The following CIAO2A variants were observed in gnomAD, a reference collection of about 807,000 sequenced individuals.
CIAO2A encodes MIP18 family protein FAM96A.
CIAO2A carries 17 observed loss-of-function variants against 22.4 expected under a neutral mutation model. The observed-to-expected ratio is 0.76, with a 90% confidence interval of 0.52 to 1.14. The LOEUF (loss-of-function observed/expected upper bound fraction) is 1.14. CIAO2A is among the 50% of genes most tolerant of loss of function. The pLI is 0.00. For synonymous variants in CIAO2A, 74 were observed against 72.3 expected (o/e 1.02, Z -0.12); for missense variants, 192 against 191.4 (o/e 1.00, Z -0.02).
At chr15:64,091,782 G>A (rs887437556) in intron 1 of CIAO2A, among the ~76,000 whole-genome samples, 5 of 151,996 alleles carry the variant, frequency 3.3e-5, no homozygotes, top group Non-Finnish European at 7.4e-5. Context: ...AAGAAGGGCC[G>A]GGTGTGGTGG....
chr15:64,085,595 T>G (rs945557188), intron 2 of CIAO2A, among the ~76,000 whole-genome samples: 1 of 152,230 alleles, frequency 6.6e-6, no homozygotes, highest in African/African-American at 2.4e-5. Context: ...TCTATAGATA[T>G]CCTTATTATT....
intron 3 of CIAO2A, among the ~76,000 whole-genome samples, chr15:64,077,714 C>A (rs1302560021): frequency 6.6e-6 from 1 of 152,072 alleles, no homozygotes; most frequent in Admixed American, 6.6e-5. Context: ...GAAATAAAGG[C>A]TAAGGAACTA....
chr15:64,077,297 CAACAA>C lies in CIAO2A; in HGVS notation c.340-1765_340-1761del, dbSNP rs61363469. On this transcript the variant is annotated intron_variant, in intron 3 of 4. Coordinates refer to ENST00000300030, the MANE Select transcript of CIAO2A (RefSeq NM_032231.7). Reference sequence around the variant, plus strand: ...TGGGTGACAGAGCGAGACTCCGTCTCAACAAAACAAAACAAAACAAAACAAAACAC... The same window carrying C: ...TGGGTGACAGAGCGAGACTCCGTCTCAACAAAACAAAACAAAACAAAACAC... 8.7e-3 allele frequency among the ~76,000 whole-genome samples: 1,307 copies of C among 150,500 alleles called. 15 individuals carry two copies. The highest frequency in any genetic ancestry group is 0.027 in the African/African-American group (1,118 of 41,290).
intron 3 of CIAO2A, among the ~76,000 whole-genome samples, chr15:64,080,229 TA>T (rs1169360957): frequency 6.7e-6 from 1 of 148,988 alleles, no homozygotes; most frequent in African/African-American, 2.5e-5. Flanking sequence ...CTACTAAAAA[TA>T]AAAAAAAATT....
chr15:64,077,601 A>C (rs555889133), intron 3 of CIAO2A, among the ~76,000 whole-genome samples: 1 of 152,344 alleles, frequency 6.6e-6, no homozygotes, highest in South Asian at 2.1e-4. Context: ...TATTCTTGCC[A>C]AAAATGCACA....
chr15:64,078,615 GAC>G lies in CIAO2A; in HGVS notation c.339+2485_339+2486del, dbSNP rs540385136. Among the ~76,000 whole-genome samples, 11 of 140,602 alleles carry G rather than the reference GAC, an allele frequency of 7.8e-5. No homozygotes were observed. In the South Asian group the frequency reaches 2.4e-3, roughly 31 times the overall value. 92.2% of individuals were successfully genotyped at this position (140,602 alleles called of 152,430 possible). On this transcript the variant is annotated intron_variant, in intron 3 of 4. Coordinates refer to ENST00000300030, the MANE Select transcript of CIAO2A (RefSeq NM_032231.7). ...CGCACCACTGCCCTCCAGCCTGGGC[GAC>G]AGAGCGAGATTCCATCGCAAACAAA... is the stretch of plus-strand genomic sequence containing the variant.
chr15:64,082,869 A>T (rs965622221), intron 2 of CIAO2A, among the ~76,000 whole-genome samples: 2 of 152,138 alleles, frequency 1.3e-5, no homozygotes, highest in African/African-American at 4.8e-5. Context: ...TAAGTTACTT[A>T]ACCTCTCTGA....
intron 1 of CIAO2A, among the ~76,000 whole-genome samples, chr15:64,092,911 C>T (rs1002848246): frequency 6.6e-6 from 1 of 152,222 alleles, no homozygotes; most frequent in South Asian, 2.1e-4. Context: ...AAGTGCATTA[C>T]GGTTAGAACC....
rs1388915391 is a variant in CIAO2A, at chr15:64,072,694, CATA to C, written c.*234_*236del. 2.0e-5 allele frequency: 7 copies of C among 352,554 alleles called. No individual in the cohort carries two copies. Among genetic ancestry groups the C allele is most frequent in the Admixed American group, 1.4e-4 (3 of 21,550 alleles). 21.8% of individuals were successfully genotyped at this position (352,554 alleles called of 1,614,324 possible). A position where few individuals can be genotyped will look rare whatever the true frequency, so the allele number is the denominator to read the frequency against. On this transcript the variant is annotated 3_prime_UTR_variant, in exon 5 of 5. Coordinates refer to ENST00000300030, the MANE Select transcript of CIAO2A (RefSeq NM_032231.7). Reference sequence around the variant, plus strand: ...CAGAAAAATAGCAACTCATCTTGCACATAATAACTAGAAAATATTATTCTGTCT... The same window carrying C: ...CAGAAAAATAGCAACTCATCTTGCACATAACTAGAAAATATTATTCTGTCT...
chr15:64,087,920 C>T (rs969218429), intron 2 of CIAO2A, among the ~76,000 whole-genome samples: 1 of 152,030 alleles, frequency 6.6e-6, no homozygotes, highest in Non-Finnish European at 1.5e-5. Flanking sequence ...GCTTTTTTTA[C>T]ACAAATGATA....
Position 64,072,913 on chromosome 15 carries a change from T to C in CIAO2A, c.*18A>G, listed in dbSNP as rs775905758. 1 of 1,528,418 alleles carries C rather than the reference T, an allele frequency of 6.5e-7. No individual in the cohort carries two copies. Among genetic ancestry groups the C allele is most frequent in the South Asian group, 1.1e-5 (1 of 88,434 alleles). 94.7% of individuals were successfully genotyped at this position (1,528,418 alleles called of 1,614,324 possible). On this transcript the variant is annotated 3_prime_UTR_variant, in exon 5 of 5. Transcript: ENST00000300030. ...AATATATCAAACAATTACAGGCCAG[T>C]GGCTCTTAAAACAGCTATCAGTCAG...
intron 3 of CIAO2A, among the ~76,000 whole-genome samples, chr15:64,079,535 C>CA (rs976796525): frequency 6.6e-6 from 1 of 152,018 alleles, no homozygotes; most frequent in South Asian, 2.1e-4. Context: ...CAACAGCAAA[C>CA]AAAAAAGATG....
chr15:64,088,014 T>A (rs2080811264), intron 2 of CIAO2A, among the ~76,000 whole-genome samples: 1 of 152,246 alleles, frequency 6.6e-6, no homozygotes, highest in African/African-American at 2.4e-5. Flanking sequence ...CTTCATTCTT[T>A]TTTATAGCTG....
intron 2 of CIAO2A, among the ~76,000 whole-genome samples, chr15:64,085,178 G>A (rs971990698): frequency 6.6e-6 from 1 of 152,160 alleles, no homozygotes; most frequent in Admixed American, 6.5e-5. Context: ...TAGTCCAAAT[G>A]GTTACAAAAC....
intron 4 of CIAO2A, chr15:64,074,470 AT>A (rs1314864608): frequency 6.6e-6 from 1 of 152,250 alleles, no homozygotes; most frequent in Non-Finnish European, 1.5e-5. Context: ...CATTCAAGGA[AT>A]TTCAAAACGA....
chr15:64,075,649 G>GT, intron 3 of CIAO2A, 112 bp from the exon 4 acceptor site: 4 of 530,234 alleles, frequency 7.5e-6, no homozygotes, highest in South Asian at 5.5e-5. Flanking sequence ...CCCAAATCCT[G>GT]TTTCTTTTTT....
At chr15:64,086,764 C>T (rs1268205099) in intron 2 of CIAO2A, among the ~76,000 whole-genome samples, 1 of 151,714 alleles carries the variant, frequency 6.6e-6, no homozygotes, top group Non-Finnish European at 1.5e-5. Flanking sequence ...CAGGTGCGTG[C>T]CACCATGCCC....
chr15:64,075,533 T>A lies in CIAO2A; in HGVS notation c.344A>T (p.Glu115Val). ...QRCLPFKHKL[E>V]IYISEGTHST... Reference sequence around the variant, plus strand: ...GTGGGTTCCTTCAGAAATGTAGATTTCCAACTGGAAAGTGGGAAAAAAAGT... The same window carrying A: ...GTGGGTTCCTTCAGAAATGTAGATTACCAACTGGAAAGTGGGAAAAAAAGT... The change falls in exon 4 of 5, where the codon GAA becomes GTA. Residue 115 changes from glutamate (E) to valine (V), a missense_variant. Coordinates refer to ENST00000300030, the MANE Select transcript of CIAO2A (RefSeq NM_032231.7). The A allele has an allele frequency of 1.3e-6, 2 of 1,579,300 alleles. No individual in the cohort carries two copies. The highest frequency in any genetic ancestry group is 8.6e-7 in the Non-Finnish European group (1 of 1,160,308).
chr15:64,079,269 A>G (rs545646097), intron 3 of CIAO2A, among the ~76,000 whole-genome samples: 22 of 152,244 alleles, frequency 1.4e-4, no homozygotes, highest in Admixed American at 9.1e-4. Flanking sequence ...GGCCAGGCCC[A>G]GTGGTTCATG....
Sources: allele counts gnomAD v4.1 joint callset (sites outside exome capture counted in the v4.1 genomes callset), GRCh38; gene constraint gnomAD v4.1.1; transcripts MANE v1.5; gene names NCBI Gene and HGNC (gene_info 2026-07-23, HGNC 2026-07-21).